The following FOXP2 variants were observed in gnomAD, a reference collection of about 807,000 sequenced individuals.
FOXP2 encodes forkhead box P2, also known as forkhead box protein P2.
In FOXP2, 12 loss-of-function variants were observed where a neutral mutation model predicts 115.8. That is an observed-to-expected ratio of 0.10 (90% CI 0.07 to 0.17). The LOEUF (loss-of-function observed/expected upper bound fraction) is 0.17. Ranked by LOEUF, FOXP2 falls within the 10% of genes least tolerant of loss-of-function variation. FOXP2 has a pLI of 1.00. For synonymous variants in FOXP2, 328 were observed against 297.7 expected (o/e 1.10, Z -1.05); for missense variants, 629 against 843.5 (o/e 0.75, Z 3.15).
At chr7:114,385,051 T>C (rs574964267) in intron 2 of FOXP2, among the ~76,000 whole-genome samples, 53 of 151,784 alleles carry the variant, frequency 3.5e-4, no homozygotes, top group African/African-American at 7.3e-4. Context: ...TCTCCCCCCC[T>C]CTCTCTCTAA....
At chr7:114,563,752 A>G (rs1325997310) in intron 3 of FOXP2, among the ~76,000 whole-genome samples, 1 of 152,208 alleles carries the variant, frequency 6.6e-6, no homozygotes, top group East Asian at 1.9e-4. Context: ...CTAGATGTTC[A>G]GTAGTCAACT....
At chr7:114,219,930 G>A (rs1405940836) in intron 1 of FOXP2, among the ~76,000 whole-genome samples, 2 of 151,630 alleles carry the variant, frequency 1.3e-5, no homozygotes, top group African/African-American at 2.4e-5. Context: ...GCAGTGGCGC[G>A]ATCTCGGCTC....
At position 114,122,096 on chromosome 7, in the gene FOXP2, G is replaced by A. The variant is rs561411773; in HGVS notation, c.-247+34258G>A. On this transcript the variant is annotated intron_variant, in intron 1 of 19. Coordinates refer to the FOXP2 transcript ENST00000635638. ...ATAAGGGTTTTTGTTACTAGTAGGT[G>A]TATTTTGAGATTTTCTTCATAAACT... is the stretch of plus-strand genomic sequence containing the variant. Among the ~76,000 whole-genome samples, 67 of 152,154 alleles carry A rather than the reference G, an allele frequency of 4.4e-4. 1 individual carries two copies. The South Asian group carries it at 0.013, about 30-fold the overall frequency.
At chr7:114,556,487 A>G (rs77241485) in intron 3 of FOXP2, among the ~76,000 whole-genome samples, 1 of 152,222 alleles carries the variant, frequency 6.6e-6, no homozygotes, top group Non-Finnish European at 1.5e-5. Flanking sequence ...TAAGGAGTAA[A>G]GCATACAGTA....
At chr7:114,355,241 G>A (rs954814) in intron 2 of FOXP2, among the ~76,000 whole-genome samples, 2,244 of 152,132 alleles carry the variant, frequency 0.015, 52 homozygotes, top group African/African-American at 0.051. Flanking sequence ...GCCTCTCTGC[G>A]GTGTCAGAAA....
At position 114,651,811 on chromosome 7, in the gene FOXP2, A is replaced by G. The variant is rs116842989; in HGVS notation, c.1095-392A>G. 2.5e-3 allele frequency among the ~76,000 whole-genome samples: 382 copies of G among 152,256 alleles called. 1 individual carries two copies. Among genetic ancestry groups the G allele is most frequent in the Middle Eastern group, 0.01 (3 of 294 alleles). Reference sequence around the variant, plus strand: ...ACTAAAATACATCATAGAAACAACAAACTGTTCTAACAATGAAATAGAAAA... The same window carrying G: ...ACTAAAATACATCATAGAAACAACAGACTGTTCTAACAATGAAATAGAAAA... On this transcript the variant is annotated intron_variant, in intron 8 of 16. Transcript: ENST00000350908.
chr7:114,297,283 C>G, intron 2 of FOXP2: 2 of 539,544 alleles, frequency 3.7e-6, no homozygotes, highest in South Asian at 3.6e-5. Flanking sequence ...TGGGGCGAAC[C>G]CACACACCTC....
At chr7:114,266,686 G>A (rs1044292081) in intron 1 of FOXP2, among the ~76,000 whole-genome samples, 5 of 152,068 alleles carry the variant, frequency 3.3e-5, no homozygotes, top group Admixed American at 3.3e-4. Context: ...AAATTTTGGC[G>A]GGGCATCCAA....
intron 3 of FOXP2, among the ~76,000 whole-genome samples, chr7:114,594,983 A>G (rs1040335165): frequency 1.6e-4 from 24 of 152,040 alleles, no homozygotes; most frequent in Admixed American, 1.6e-3. Context: ...TTAATTAACA[A>G]CAGTGATTTC....
rs1470632679 is a variant in FOXP2, at chr7:114,631,581, C to T, written c.651C>T (p.Phe217=). The change falls in exon 6 of 17, where the codon TTC becomes TTT. Residue 217 remains phenylalanine, a synonymous_variant. Coordinates refer to ENST00000350908, the MANE Select transcript of FOXP2 (RefSeq NM_014491.4). ...QQQLAAQQLV[F]QQQLLQMQQL... is the part of the protein sequence containing the mutation. ...AATTGGCAGCCCAGCAGCTTGTCTTCCAGCAGCAGCTTCTCCAGATGCAAC... is the reference window on the plus strand; with the variant it reads ...AATTGGCAGCCCAGCAGCTTGTCTTTCAGCAGCAGCTTCTCCAGATGCAAC... 1.2e-6 allele frequency: 2 copies of T among 1,605,576 alleles called. No individual in the cohort carries two copies.
intron 1 of FOXP2, among the ~76,000 whole-genome samples, chr7:114,284,235 G>A (rs1392708928): frequency 1.3e-5 from 2 of 151,752 alleles, no homozygotes; most frequent in Non-Finnish European, 2.9e-5. Flanking sequence ...AGCTTCAACT[G>A]GGTGCTGCTC....
chr7:114,610,950 C>A (rs1310961099), intron 3 of FOXP2, among the ~76,000 whole-genome samples: 1 of 151,880 alleles, frequency 6.6e-6, no homozygotes, highest in Non-Finnish European at 1.5e-5. Flanking sequence ...GTTCTTTTTT[C>A]ATTCTTATAC....
At chr7:114,405,625 A>G (rs767161817) in intron 2 of FOXP2, among the ~76,000 whole-genome samples, 3 of 151,922 alleles carry the variant, frequency 2.0e-5, no homozygotes, top group Non-Finnish European at 4.4e-5. Flanking sequence ...AAAAGATGTA[A>G]TAGTGCTGCC....
rs542858354 is a variant in FOXP2, at chr7:114,208,454, A to G, written c.-102+45366A>G. Among the ~76,000 whole-genome samples, 4 of 152,280 alleles carry G rather than the reference A, an allele frequency of 2.6e-5. No homozygotes were observed. In the East Asian group the frequency reaches 5.8e-4, roughly 22 times the overall value. On this transcript the variant is annotated intron_variant, in intron 1 of 17. Coordinates refer to the FOXP2 transcript ENST00000634411. ...GGGGAAGGGACTTGCCTTGTCTCAC[A>G]TGAGATGTTGGACTGTGGACTTCTG...
intron 3 of FOXP2, among the ~76,000 whole-genome samples, chr7:114,602,735 C>G (rs113185038): frequency 6.6e-6 from 1 of 152,076 alleles, no homozygotes; most frequent in East Asian, 1.9e-4. Flanking sequence ...TCATGAGCTA[C>G]GCATATCAAT....
chr7:114,274,659 G>A (rs935229763), intron 1 of FOXP2, among the ~76,000 whole-genome samples: 3 of 118,016 alleles, frequency 2.5e-5, no homozygotes, highest in African/African-American at 9.2e-5. Context: ...CTGTTGTCTG[G>A]GCTGGAGTGC....
At chr7:114,184,474 A>C (rs2129155850) in intron 1 of FOXP2, among the ~76,000 whole-genome samples, 1 of 152,280 alleles carries the variant, frequency 6.6e-6, no homozygotes, top group Admixed American at 6.5e-5. Flanking sequence ...TATTAAGCAT[A>C]AATGATTTAT....
At chr7:114,538,154 C>T (rs1156716236) in intron 3 of FOXP2, among the ~76,000 whole-genome samples, 1 of 151,530 alleles carries the variant, frequency 6.6e-6, no homozygotes, top group Non-Finnish European at 1.5e-5. Flanking sequence ...ACACATCACC[C>T]CACACACACA....
intron 1 of FOXP2, among the ~76,000 whole-genome samples, chr7:114,277,176 T>C (rs2129174171): frequency 6.6e-6 from 1 of 152,282 alleles, no homozygotes; most frequent in African/African-American, 2.4e-5. Context: ...TTAGCAAGGT[T>C]GAATCATTGA....
Sources: gnomAD v4.1 joint callset for allele counts (sites outside exome capture counted in the v4.1 genomes callset) on GRCh38, gnomAD v4.1.1 for gene constraint, MANE v1.5 for transcripts, NCBI Gene and HGNC (gene_info 2026-07-23, HGNC 2026-07-21) for gene names.